PPP1CC: variants seen among roughly 807,000 people sequenced by gnomAD.
The protein encoded by PPP1CC is serine/threonine-protein phosphatase PP1-gamma catalytic subunit.
Under a neutral mutation model 38.4 loss-of-function variants are expected in PPP1CC, and 16 were observed. The ratio of observed to expected loss-of-function variants is 0.42; its 90% CI spans 0.28 to 0.63. The LOEUF (loss-of-function observed/expected upper bound fraction) is 0.63, where lower values mean the gene tolerates loss of function less well. Among genes scored for constraint, PPP1CC ranks in the 30% least tolerant of loss-of-function variants. PPP1CC has a pLI of 0.25. For missense variants in PPP1CC, 170 were observed against 391.3 expected, an observed-to-expected ratio of 0.43 and a Z score of 4.77; for synonymous variants, 158 against 136.0, an observed-to-expected ratio of 1.16 and a Z score of -1.13.
intron 2 of PPP1CC, among the ~76,000 whole-genome samples, chr12:110,731,378 GCTT>G (rs1396563632): frequency 6.6e-6 from 1 of 152,018 alleles, no homozygotes; most frequent in Non-Finnish European, 1.5e-5. Flanking sequence ...CAGATTATTT[GCTT>G]CTATTATGCA....
intron 3 of PPP1CC, among the ~76,000 whole-genome samples, chr12:110,727,703 T>A (rs1010109826): frequency 6.6e-6 from 1 of 152,050 alleles, no homozygotes; most frequent in South Asian, 2.1e-4. Flanking sequence ...AAAATCAACA[T>A]TTGAATACAA....
chr12:110,708,431 A>G, the PPP1CC span, among the ~76,000 whole-genome samples: 213 of 152,346 alleles, frequency 1.4e-3, 1 homozygote, highest in African/African-American at 4.8e-3. Context: ...ATGCACAATG[A>G]AAATATTACA....
In PPP1CC at chr12:110,742,889, A is replaced by AAGCC; in HGVS notation, c.-183_-182insGGCT. 7.1e-6 allele frequency: 3 copies of AAGCC among 423,330 alleles called. No homozygotes were observed. Among genetic ancestry groups the AAGCC allele is most frequent in the Non-Finnish European group, 1.2e-5 (3 of 244,744 alleles). The allele number at this position is 423,330 out of a possible 1,614,324, so 26.2% of individuals were successfully genotyped here. A position where few individuals can be genotyped will look rare whatever the true frequency, so the allele number is the denominator to read the frequency against. On this transcript the variant is annotated 5_prime_UTR_variant, in exon 1 of 7. Coordinates refer to ENST00000335007, the MANE Select transcript of PPP1CC (RefSeq NM_002710.4). ...CTTCTCTCCCCACTGGAACCACGAG[A>AAGCC]AGAACAAAATGGCCGCCGACTCCTT...
intron 1 of PPP1CC, among the ~76,000 whole-genome samples, chr12:110,737,497 A>AAAAAAAAAAAAAAAAAAAAAAAG (rs2069959460): frequency 1.4e-5 from 2 of 147,530 alleles, no homozygotes; most frequent in African/African-American, 5.2e-5. Context: ...AAAAAAAAAA[A>AAAAAAAAAAAAAAAAAAAAAAAG]AAAAGAAAAG....
chr12:110,731,034 C>G (rs1367663248), intron 2 of PPP1CC, among the ~76,000 whole-genome samples: 3 of 152,124 alleles, frequency 2.0e-5, no homozygotes, highest in African/African-American at 7.2e-5. Context: ...GTTATTATGT[C>G]CAAGCATGCA....
downstream of PPP1CC, among the ~76,000 whole-genome samples, chr12:110,719,181 G>A (rs889624771): frequency 4.6e-5 from 7 of 152,066 alleles, no homozygotes; most frequent in African/African-American, 1.7e-4. Context: ...AGAATATTAC[G>A]TAAAAGTGAA....
chr12:110,714,566 G>T, the PPP1CC span, among the ~76,000 whole-genome samples: 1 of 151,860 alleles, frequency 6.6e-6, no homozygotes, highest in South Asian at 2.1e-4. Flanking sequence ...CAGCACTTTG[G>T]GAGGCTGAGG....
chr12:110,713,757 A>G, the PPP1CC span, among the ~76,000 whole-genome samples: 1 of 152,176 alleles, frequency 6.6e-6, no homozygotes, highest in Non-Finnish European at 1.5e-5. Flanking sequence ...AAGTTCGACC[A>G]GCATTGTCTT....
rs1390812876 is a variant in PPP1CC at position 110,720,232 on chromosome 12, C to CT, written c.*843dup. On this transcript the variant is annotated 3_prime_UTR_variant, in exon 7 of 7. Transcript: ENST00000335007. ...GTAAAAAGATTACTTAATGAATAGA[C>CT]TATATGGAAATTGTATAAAATGTTA... 2 of 1,507,266 alleles carry CT rather than the reference C, an allele frequency of 1.3e-6. No individual in the cohort carries two copies. The highest frequency in any genetic ancestry group is 2.0e-5 in the Admixed American group (1 of 50,946). The allele number at this position is 1,507,266 out of a possible 1,614,324, so 93.4% of individuals were successfully genotyped here.
chr12:110,717,002 GAA>G (rs530798519), downstream of PPP1CC, among the ~76,000 whole-genome samples: 25 of 152,328 alleles, frequency 1.6e-4, no homozygotes, highest in South Asian at 5.2e-3. Flanking sequence ...AAGGATGAAT[GAA>G]AAGTGACTTC....
At chr12:110,723,304 G>A (rs569904833) in intron 4 of PPP1CC, among the ~76,000 whole-genome samples, 9 of 151,722 alleles carry the variant, frequency 5.9e-5, no homozygotes, top group Non-Finnish European at 8.8e-5. Context: ...TACAATATGG[G>A]ATGCATATTG....
At chr12:110,735,764 A>G (rs2069936150) in intron 1 of PPP1CC, among the ~76,000 whole-genome samples, 1 of 147,648 alleles carries the variant, frequency 6.8e-6, no homozygotes, top group African/African-American at 2.5e-5. Context: ...CCTGGGCAAC[A>G]AGAAAGAAAC....
intron 1 of PPP1CC, 107 bp from the exon 2 acceptor site, chr12:110,732,008 TTCA>T: frequency 8.0e-7 from 1 of 1,251,592 alleles, no homozygotes; most frequent in Non-Finnish European, 1.1e-6. Context: ...TCTGAGTGGC[TTCA>T]TTTTCAGGAC....
At chr12:110,727,118 G>A (rs2069808280) in intron 3 of PPP1CC, among the ~76,000 whole-genome samples, 1 of 152,170 alleles carries the variant, frequency 6.6e-6, no homozygotes, top group Non-Finnish European at 1.5e-5. Flanking sequence ...ATTTTTAATA[G>A]AGATGGGTTT....
At chr12:110,710,578 T>C in the PPP1CC span, among the ~76,000 whole-genome samples, 4 of 149,186 alleles carry the variant, frequency 2.7e-5, no homozygotes, top group Admixed American at 1.3e-4. Flanking sequence ...ATTAGCTGGG[T>C]GTGGTGGTGG....
chr12:110,728,956 G>C (rs1051767495), intron 3 of PPP1CC, among the ~76,000 whole-genome samples: 1 of 152,132 alleles, frequency 6.6e-6, no homozygotes, highest in Non-Finnish European at 1.5e-5. Flanking sequence ...GAAAAACACT[G>C]CATCTGGAGA....
chr12:110,737,921 T>TAA (rs543085229), intron 1 of PPP1CC, among the ~76,000 whole-genome samples: 1 of 151,864 alleles, frequency 6.6e-6, no homozygotes, highest in African/African-American at 2.4e-5. Flanking sequence ...CAGTCTCTAG[T>TAA]AAAAAAAATA....
downstream of PPP1CC, among the ~76,000 whole-genome samples, chr12:110,717,125 T>C (rs1042239299): frequency 2.6e-5 from 4 of 152,242 alleles, no homozygotes; most frequent in Non-Finnish European, 5.9e-5. Context: ...TGAATGCTTA[T>C]GACTAAGGCA....
At position 110,720,971 on chromosome 12, in the gene PPP1CC, A is replaced by T; in HGVS notation, c.*105T>A. ...AAAATGGAAGGAAGGGCCCCCACAA[A>T]CACAGATCTATCTGAGCAAGCTGAC... On this transcript the variant is annotated 3_prime_UTR_variant, in exon 7 of 7. Transcript: ENST00000335007. 1.1e-6 allele frequency: 1 copy of T among 948,006 alleles called. No individual in the cohort carries two copies. 58.7% of individuals were successfully genotyped at this position (948,006 alleles called of 1,614,324 possible). A position where few individuals can be genotyped will look rare whatever the true frequency, so the allele number is the denominator to read the frequency against.
Sources: allele counts gnomAD v4.1 joint callset (sites outside exome capture counted in the v4.1 genomes callset), GRCh38; gene constraint gnomAD v4.1.1; transcripts MANE v1.5; gene names NCBI Gene and HGNC (gene_info 2026-07-23, HGNC 2026-07-21).